The following AFF2 variants were observed in gnomAD, a reference collection of about 807,000 sequenced individuals.
AFF2 encodes ALF transcription elongation factor 2.
A neutral mutation model predicts 76.9 loss-of-function variants in AFF2; 14 were observed. That is an observed-to-expected ratio of 0.18 (90% CI 0.12 to 0.28). The LOEUF (loss-of-function observed/expected upper bound fraction) is 0.28, where lower values mean the gene tolerates loss of function less well. AFF2 is among the 10% of genes least tolerant of loss of function. The pLI is 1.00. For synonymous variants in AFF2, 398 were observed against 366.7 expected, an observed-to-expected ratio of 1.09 and a Z score of -0.98; for missense variants, 868 against 1,001.1, an observed-to-expected ratio of 0.87 and a Z score of 1.79.
rs184706516 is a variant in AFF2, at chrX:148,510,872, T to C, written c.47+9728T>C. Reference sequence around the variant, plus strand: ...GATGGAATGATAGACAAAAACCTGCTTAATACTTTGTGTGATTAAATTTGT... The same window carrying C: ...GATGGAATGATAGACAAAAACCTGCCTAATACTTTGTGTGATTAAATTTGT... On this transcript the variant is annotated intron_variant, in intron 1 of 20. Coordinates refer to ENST00000370460, the MANE Select transcript of AFF2 (RefSeq NM_002025.4). Among the ~76,000 whole-genome samples, 10 of 112,063 alleles carry C rather than the reference T, an allele frequency of 8.9e-5. No individual in the cohort carries two copies. In the East Asian group the frequency reaches 2.0e-3, roughly 22 times the overall value.
chrX:148,767,990 T>C (rs1486193869), intron 3 of AFF2, among the ~76,000 whole-genome samples: 2 of 108,909 alleles, frequency 1.8e-5, no homozygotes, highest in Non-Finnish European at 3.8e-5. Flanking sequence ...TTACATACTA[T>C]GGCCATCCGC....
intron 8 of AFF2, among the ~76,000 whole-genome samples, chrX:148,897,826 C>T (rs2071312300): frequency 9.1e-6 from 1 of 110,442 alleles, no homozygotes; most frequent in South Asian, 3.9e-4. Context: ...CCACAAACCC[C>T]AGGGGAACAG....
Position 148,941,091 on chromosome X carries a change from T to G in AFF2, c.1398-12489T>G, listed in dbSNP as rs140185203. ...CTTTAAATATGACATTGATAGTCTT[T>G]GGCAAAGAATGGGAGTGAATTTTTG... On this transcript the variant is annotated intron_variant, in intron 9 of 20. Coordinates refer to ENST00000370460, the MANE Select transcript of AFF2 (RefSeq NM_002025.4). 7.3e-3 allele frequency among the ~76,000 whole-genome samples: 824 copies of G among 112,114 alleles called. 6 individuals are homozygous for G. The highest frequency in any genetic ancestry group is 0.026 in the African/African-American group (788 of 30,860).
chrX:148,768,153 G>A (rs1255473025), intron 3 of AFF2, among the ~76,000 whole-genome samples: 1 of 108,363 alleles, frequency 9.2e-6, no homozygotes, highest in African/African-American at 3.4e-5. Flanking sequence ...CTCTTCTGAA[G>A]TTTGTTCTGC....
At chrX:148,544,138 C>T (rs1187977938) in intron 1 of AFF2, among the ~76,000 whole-genome samples, 4 of 112,167 alleles carry the variant, frequency 3.6e-5, no homozygotes, top group African/African-American at 1.3e-4. Context: ...TAAGGAACCT[C>T]CCAGGGCCAC....
chrX:148,501,110 G>T lies in AFF2; in HGVS notation c.13G>T (p.Asp5Tyr). Residue 5 changes from aspartate (D) to tyrosine (Y), a missense_variant, in exon 1 of 21, where the codon GAC becomes TAC. Asp to Tyr is a radical substitution (Grantham distance 160, BLOSUM62 -3). Coordinates refer to ENST00000370460, the MANE Select transcript of AFF2 (RefSeq NM_002025.4). ...CCGCCTGGCCGCTATGGATCTATTCGACTTTTTCAGAGACTGGGACTTGGA... is the reference window on the plus strand; with the variant it reads ...CCGCCTGGCCGCTATGGATCTATTCTACTTTTTCAGAGACTGGGACTTGGA... MDLF[D>Y]FFRDWDLEQQ... is the part of the protein sequence containing the mutation. 8.3e-7 allele frequency: 1 copy of T among 1,210,724 alleles called. No homozygotes were observed. The highest frequency in any genetic ancestry group is 1.1e-6 in the Non-Finnish European group (1 of 894,871).
intron 3 of AFF2, among the ~76,000 whole-genome samples, chrX:148,730,668 C>G (rs1014057704): frequency 1.8e-5 from 2 of 112,689 alleles, no homozygotes; most frequent in African/African-American, 3.2e-5. Flanking sequence ...GCTTGGTTGG[C>G]CAGTATTAGC....
intron 1 of AFF2, chrX:148,547,521 G>C (rs1480545335): frequency 8.9e-6 from 1 of 112,200 alleles, no homozygotes; most frequent in East Asian, 2.8e-4. Context: ...GTACCAAAAT[G>C]TAAGGGCATA....
At chrX:148,608,526 A>C (rs2124398546) in intron 1 of AFF2, among the ~76,000 whole-genome samples, 1 of 109,415 alleles carries the variant, frequency 9.1e-6, no homozygotes, top group Admixed American at 9.8e-5. Context: ...TTAATTAATT[A>C]ATTTTTAGGG....
intron 3 of AFF2, among the ~76,000 whole-genome samples, chrX:148,667,834 AC>A (rs1255070102): frequency 1.8e-5 from 2 of 110,773 alleles, no homozygotes; most frequent in African/African-American, 6.6e-5. Flanking sequence ...ATATTAATCC[AC>A]CCCCAGCCCC....
chrX:148,749,030 T>C (rs1434420048), intron 3 of AFF2, among the ~76,000 whole-genome samples: 2 of 111,565 alleles, frequency 1.8e-5, no homozygotes, highest in Non-Finnish European at 3.8e-5. Flanking sequence ...TGGGAAAATT[T>C]TCTCCCATTT....
chrX:148,988,958 T>C (rs1042220389), intron 20 of AFF2, among the ~76,000 whole-genome samples: 2 of 112,590 alleles, frequency 1.8e-5, no homozygotes, highest in South Asian at 7.3e-4. Flanking sequence ...TCTAGAAGTG[T>C]CTGATTCCAG....
At chrX:148,762,086 G>C (rs1603296154) in intron 3 of AFF2, among the ~76,000 whole-genome samples, 1 of 109,997 alleles carries the variant, frequency 9.1e-6, no homozygotes, top group Non-Finnish European at 1.9e-5. Context: ...GGGAACAAGT[G>C]GTGTTTGGTT....
At chrX:148,544,837 A>G (rs2052901781) in intron 1 of AFF2, among the ~76,000 whole-genome samples, 1 of 111,288 alleles carries the variant, frequency 9.0e-6, no homozygotes, top group Non-Finnish European at 1.9e-5. Context: ...TTGAGAGGAG[A>G]TGCTGTGAGG....
chrX:148,759,279 G>A (rs1346058345), intron 3 of AFF2, among the ~76,000 whole-genome samples: 2 of 112,070 alleles, frequency 1.8e-5, no homozygotes, highest in Non-Finnish European at 1.9e-5. Flanking sequence ...AAAGTCACTC[G>A]TTTAGTTCAC....
rs2072583867 is a variant in AFF2, at chrX:148,995,402, T to C, written c.*4070T>C. ...TCCTCAGAAATATAGAAGCCCTCTTTACCAAAATCATCACATTTTACTCTG... is the reference window on the plus strand; with the variant it reads ...TCCTCAGAAATATAGAAGCCCTCTTCACCAAAATCATCACATTTTACTCTG... On this transcript the variant is annotated 3_prime_UTR_variant, in exon 21 of 21. Coordinates refer to ENST00000370460, the MANE Select transcript of AFF2 (RefSeq NM_002025.4). 1 of 101,718 alleles carries C rather than the reference T, an allele frequency of 9.8e-6. No homozygotes were observed. Among genetic ancestry groups the C allele is most frequent in the South Asian group, 5.1e-4 (1 of 1,953 alleles). The allele number at this position is 101,718 out of a possible 1,213,427, so 8.4% of individuals were successfully genotyped here.
chrX:148,812,485 A>G (rs1244553717), intron 4 of AFF2, among the ~76,000 whole-genome samples: 8 of 111,228 alleles, frequency 7.2e-5, no homozygotes, highest in African/African-American at 2.0e-4. Flanking sequence ...TTCTTCATCT[A>G]GAAGCATGCG....
intron 1 of AFF2, among the ~76,000 whole-genome samples, chrX:148,647,940 T>G (rs1027324450): frequency 1.8e-5 from 2 of 111,840 alleles, no homozygotes; most frequent in Non-Finnish European, 3.8e-5. Context: ...AATTGAACTT[T>G]CTAGATCTCA....
chrX:148,847,274 C>T (rs1159064304), intron 7 of AFF2, among the ~76,000 whole-genome samples: 2 of 111,812 alleles, frequency 1.8e-5, no homozygotes, highest in Non-Finnish European at 3.8e-5. Context: ...TAAGTTGCCC[C>T]GAAAAGGACT....
Sources: gnomAD v4.1 joint callset for allele counts (sites outside exome capture counted in the v4.1 genomes callset) on GRCh38, gnomAD v4.1.1 for gene constraint, MANE v1.5 for transcripts, NCBI Gene and HGNC (gene_info 2026-07-23, HGNC 2026-07-21) for gene names.